Variants in KAZN observed in about 807,000 individuals in gnomAD.
The protein encoded by KAZN is kazrin, periplakin interacting protein.
KAZN carries 40 observed loss-of-function variants against 87.4 expected under a neutral mutation model. The observed-to-expected ratio is 0.46, with a 90% CI of 0.36 to 0.60. The LOEUF (loss-of-function observed/expected upper bound fraction) is 0.60. KAZN is among the 20% of genes least tolerant of loss of function. The pLI is 0.00. For synonymous variants in KAZN, 466 were observed against 458.3 expected (o/e 1.02, Z -0.22); for missense variants, 898 against 1,073.9 (o/e 0.84, Z 2.29).
At chr1:14,759,809 A>T (rs1644685628) in intron 1 of KAZN, among the ~76,000 whole-genome samples, 1 of 152,152 alleles carries the variant, frequency 6.6e-6, no homozygotes, top group Admixed American at 6.6e-5. Flanking sequence ...TGTGTAGCAG[A>T]CAATACCGTC....
chr1:14,886,749 C>A (rs751765474), intron 1 of KAZN, among the ~76,000 whole-genome samples: 1 of 152,152 alleles, frequency 6.6e-6, no homozygotes, highest in East Asian at 1.9e-4. Context: ...CAAGATCGTG[C>A]CGTTATACTC....
intron 2 of KAZN, among the ~76,000 whole-genome samples, chr1:14,436,892 C>T (rs1489712912): frequency 1.3e-5 from 2 of 152,084 alleles, no homozygotes; most frequent in African/African-American, 4.8e-5. Flanking sequence ...ATTCCAAAGC[C>T]TTCTTCTCAA....
intron 1 of KAZN, among the ~76,000 whole-genome samples, chr1:14,928,295 A>G (rs1465477274): frequency 6.6e-6 from 1 of 152,112 alleles, no homozygotes; most frequent in Non-Finnish European, 1.5e-5. Flanking sequence ...CTAAAAATAC[A>G]AAAATTAGCC....
chr1:14,064,043 G>A (rs557278273), intron 1 of KAZN, among the ~76,000 whole-genome samples: 6 of 152,168 alleles, frequency 3.9e-5, no homozygotes, highest in African/African-American at 1.4e-4. Flanking sequence ...AGCCTCCCGA[G>A]TAGCTGGGAT....
chr1:14,587,796 C>T (rs574783163), intron 2 of KAZN, among the ~76,000 whole-genome samples: 3 of 152,330 alleles, frequency 2.0e-5, no homozygotes, highest in Non-Finnish European at 4.4e-5. Flanking sequence ...TTCATTTCGA[C>T]ATGAGATTTG....
chr1:14,451,184 C>A lies in KAZN; in HGVS notation c.250-147799C>A, dbSNP rs114444186. Among the ~76,000 whole-genome samples, 655 of 152,218 alleles carry A rather than the reference C, an allele frequency of 4.3e-3. 6 individuals carry two copies. Among genetic ancestry groups the A allele is most frequent in the African/African-American group, 0.015 (627 of 41,534 alleles). On this transcript the variant is annotated intron_variant, in intron 2 of 16. Coordinates refer to the KAZN transcript ENST00000636203. ...TCTCTATAAATTACCTAGTCTCAGGCCTTTCTTTATAGTAATGCAAGAATG... is the reference window on the plus strand; with the variant it reads ...TCTCTATAAATTACCTAGTCTCAGGACTTTCTTTATAGTAATGCAAGAATG...
intron 2 of KAZN, among the ~76,000 whole-genome samples, chr1:14,376,081 G>A (rs796566310): frequency 8.3e-4 from 126 of 152,202 alleles, no homozygotes; most frequent in African/African-American, 2.8e-3. Context: ...ACAGAAAAGA[G>A]GAGTGTTCAT....
At position 15,101,707 on chromosome 1, in the gene KAZN, A is replaced by C; in HGVS notation, c.1712A>C (p.Lys571Thr). 2 of 1,596,132 alleles carry C rather than the reference A, an allele frequency of 1.3e-6. No homozygotes were observed. Among genetic ancestry groups the C allele is most frequent in the East Asian group, 4.5e-5 (2 of 44,034 alleles). ...CTGGAGAAGCACCTGAACGTGTCCA[A>C]GAAGTTCCACCAGGTCAGCATCCTG... ...RDLEKHLNVS[K>T]KFHQVSILLG... is the part of the protein sequence containing the mutation. The change falls in exon 11 of 15, where the codon AAG becomes ACG. Residue 571 changes from lysine to threonine, a missense_variant. By Grantham distance (78) the Lys-to-Thr change is moderately conservative. Coordinates refer to ENST00000376030, the MANE Select transcript of KAZN (RefSeq NM_201628.3).
rs530964257 is a variant in KAZN, at chr1:14,297,462, G to A, written c.249+116870G>A. 2.4e-4 allele frequency among the ~76,000 whole-genome samples: 36 copies of A among 152,246 alleles called. 1 individual carries two copies. In the South Asian group the frequency reaches 5.4e-3, roughly 23 times the overall value. On this transcript the variant is annotated intron_variant, in intron 2 of 16. Coordinates refer to the KAZN transcript ENST00000636203. Reference sequence around the variant, plus strand: ...CACCTTTTTATTTTGCAGCCTCTGCGGTAGAGACAGGCAAAGGAGAAGAGG... The same window carrying A: ...CACCTTTTTATTTTGCAGCCTCTGCAGTAGAGACAGGCAAAGGAGAAGAGG...
At chr1:14,542,359 G>A (rs1672865570) in intron 2 of KAZN, among the ~76,000 whole-genome samples, 1 of 151,576 alleles carries the variant, frequency 6.6e-6, no homozygotes, top group South Asian at 2.1e-4. Context: ...ACCAGTTAAT[G>A]GGTGCAGCAC....
At chr1:14,090,142 G>T (rs1022146398) in intron 1 of KAZN, among the ~76,000 whole-genome samples, 3 of 151,918 alleles carry the variant, frequency 2.0e-5, no homozygotes, top group African/African-American at 7.2e-5. Flanking sequence ...GAGCTACTTG[G>T]ATCACAGGTT....
intron 8 of KAZN, chr1:15,067,374 G>T (rs991449431): frequency 1.0e-6 from 1 of 985,354 alleles, no homozygotes; most frequent in African/African-American, 1.7e-5. Context: ...ATGGGGGGTG[G>T]CGTTGGCCCC....
chr1:14,133,249 C>G (rs990091383), intron 1 of KAZN, among the ~76,000 whole-genome samples: 34 of 151,680 alleles, frequency 2.2e-4, no homozygotes, highest in African/African-American at 8.2e-4. Context: ...CACCTGTAAT[C>G]CCAGCTACTT....
At chr1:15,067,766 C>T in intron 8 of KAZN, 3 of 985,430 alleles carry the variant, frequency 3.0e-6, no homozygotes, top group Non-Finnish European at 3.6e-6. Context: ...TTTGACCAAA[C>T]TGTTTAACCG....
chr1:14,005,379 T>A (rs1012973003), intron 1 of KAZN, among the ~76,000 whole-genome samples: 1 of 151,156 alleles, frequency 6.6e-6, no homozygotes, highest in Non-Finnish European at 1.5e-5. Context: ...GAGGGAGATG[T>A]CCACGTTGAT....
At chr1:14,952,965 C>T (rs1196664882) in intron 1 of KAZN, among the ~76,000 whole-genome samples, 1 of 151,984 alleles carries the variant, frequency 6.6e-6, no homozygotes, top group East Asian at 1.9e-4. Context: ...GATAAGAGAT[C>T]AGAGGTTGCT....
At chr1:15,050,159 G>A (rs7518623) in intron 4 of KAZN, among the ~76,000 whole-genome samples, 32 of 131,312 alleles carry the variant, frequency 2.4e-4, no homozygotes, top group African/African-American at 3.7e-4. Context: ...AGAATAGAAT[G>A]GAATAGAATA....
chr1:14,731,681 G>C (rs571999579), intron 1 of KAZN, among the ~76,000 whole-genome samples: 87 of 152,234 alleles, frequency 5.7e-4, no homozygotes, highest in Non-Finnish European at 1.0e-3. Context: ...CACACAGCTA[G>C]TGGGTAGCAG....
At position 13,980,851 on chromosome 1, in the gene KAZN, A is replaced by G. The variant is rs535224613; in HGVS notation, c.91+87095A>G. 1.5e-3 allele frequency among the ~76,000 whole-genome samples: 230 copies of G among 151,934 alleles called. 1 individual carries two copies. Among genetic ancestry groups the G allele is most frequent in the Non-Finnish European group, 2.9e-3 (196 of 67,978 alleles). ...GACTCAAATGATTGGCGGTTGGAGT[A>G]GCTGGGCTCACTGGCATCTTTCTGT... On this transcript the variant is annotated intron_variant, in intron 1 of 16. Coordinates refer to the KAZN transcript ENST00000636203.
Sources: allele counts gnomAD v4.1 joint callset (sites outside exome capture counted in the v4.1 genomes callset), GRCh38; gene constraint gnomAD v4.1.1; transcripts MANE v1.5; gene names NCBI Gene and HGNC (gene_info 2026-07-23, HGNC 2026-07-21).